Variants in IGDCC4 observed in about 807,000 individuals in gnomAD.
IGDCC4 encodes immunoglobulin superfamily DCC subclass member 4, also known as likely ortholog of mouse neighbor of Punc E11.
In IGDCC4, 72 loss-of-function variants were observed where a neutral mutation model predicts 116.6. The observed-to-expected ratio is 0.62, with a 90% CI of 0.51 to 0.75. The LOEUF (loss-of-function observed/expected upper bound fraction) is 0.75. Ranked by LOEUF, IGDCC4 falls within the 30% of genes least tolerant of loss-of-function variation. IGDCC4 has a pLI of 0.00. For missense variants in IGDCC4, 1,501 were observed against 1,662.4 expected (o/e 0.90, Z 1.69); for synonymous variants, 709 against 719.9 (o/e 0.98, Z 0.24).
intron 3 of IGDCC4, 117 bp from the exon 4 acceptor site, chr15:65,402,604 C>G (rs1595787281): frequency 3.0e-6 from 4 of 1,341,594 alleles, no homozygotes; most frequent in Non-Finnish European, 4.0e-6. Context: ...CGCAGTGGCT[C>G]ACGCCTATAA....
intron 1 of IGDCC4, 70 bp downstream of exon 1, chr15:65,422,723 G>T: frequency 1.7e-6 from 2 of 1,208,462 alleles, no homozygotes; most frequent in Non-Finnish European, 2.1e-6. Context: ...CCCGCAGCCC[G>T]ATGCAGACCA....
Position 65,392,524 on chromosome 15 carries a change from A to T in IGDCC4, c.1886-154T>A, listed in dbSNP as rs1365549601. 3.3e-5 allele frequency among the ~76,000 whole-genome samples: 5 copies of T among 152,090 alleles called. No homozygotes were observed. The East Asian group carries it at 5.8e-4, about 18-fold the overall frequency. On this transcript the variant is annotated intron_variant, in intron 10 of 19. Coordinates refer to ENST00000352385, the MANE Select transcript of IGDCC4 (RefSeq NM_020962.3). ...TTTGCCAGCATTCTCCCAACACATCACCACTCAGCCACCACTCTAAGTGCC... is the reference window on the plus strand; with the variant it reads ...TTTGCCAGCATTCTCCCAACACATCTCCACTCAGCCACCACTCTAAGTGCC...
chr15:65,395,986 A>G lies in IGDCC4; in HGVS notation c.1175T>C (p.Ile392Thr). 4 of 1,561,668 alleles carry G rather than the reference A, an allele frequency of 2.6e-6. No homozygotes were observed. The South Asian group carries it at 4.7e-5, about 18-fold the overall frequency. The change falls in exon 7 of 20, where the codon ATC becomes ACC. Residue 392 changes from isoleucine (I) to threonine (T), a missense_variant. By Grantham distance (89) the Ile-to-Thr change is moderately conservative. This residue lies in a region of IGDCC4 where 898 missense variants were observed against 978.9 expected (regional missense o/e 0.92). Coordinates refer to ENST00000352385, the MANE Select transcript of IGDCC4 (RefSeq NM_020962.3). ...GGCGTCCTGCAGGCCGATCTGTGTG[A>G]TGACCAGGCTGCCACCGCCGCCCTG... ...KVQGGGGSLV[I>T]TQIGLQDAGY... is the part of the protein sequence containing the mutation.
chr15:65,395,709 C>G (rs757273253), intron 7 of IGDCC4, 41 bp downstream of exon 7: 1 of 1,404,178 alleles, frequency 7.1e-7, no homozygotes, highest in Non-Finnish European at 9.3e-7. Flanking sequence ...CTGCGCCCCG[C>G]CCGGGCCTGC....
Position 65,402,336 on chromosome 15 carries a change from A to G in IGDCC4, c.700+15T>C, listed in dbSNP as rs778788667. On this transcript the variant is annotated intron_variant, in intron 4 of 19. Transcript: ENST00000352385. ...CAGAAACCCCCAGGTTTCCCCACCC[A>G]GCCAGCCCCCTTACCTCTGTGGGCC... 1 of 1,557,584 alleles carries G rather than the reference A, an allele frequency of 6.4e-7. No homozygotes were observed. The highest frequency in any genetic ancestry group is 8.7e-7 in the Non-Finnish European group (1 of 1,150,184).
Position 65,384,915 on chromosome 15 carries a change from C to G in IGDCC4, c.3342+39G>C. On this transcript the variant is annotated intron_variant, in intron 19 of 19. Transcript: ENST00000352385. The surrounding 1 kb of genome is among the most constrained non-coding windows in gnomAD (Gnocchi z 4.9). ...CTTCCTCTTCACAAGCACAGAGACC[C>G]TTTCCTCCTTTCCTGCCCCTTCCTT... is the stretch of plus-strand genomic sequence containing the variant. The G allele has an allele frequency of 1.3e-6, 2 of 1,573,808 alleles. No homozygotes were observed. The highest frequency in any genetic ancestry group is 1.1e-5 in the South Asian group (1 of 87,826).
In IGDCC4 at chr15:65,388,813, G is replaced by GT. The variant is rs1567080644; in HGVS notation, c.2701dup (p.Thr901AsnfsTer9). 6.2e-7 allele frequency: 1 copy of GT among 1,613,970 alleles called. No individual in the cohort carries two copies. Among genetic ancestry groups the GT allele is most frequent in the East Asian group, 2.2e-5 (1 of 44,874 alleles). On this transcript the variant is annotated frameshift_variant, in exon 15 of 20. Coordinates refer to ENST00000352385, the MANE Select transcript of IGDCC4 (RefSeq NM_020962.3). LOFTEE classifies it high-confidence loss of function. ...CCTGGGGCAGGAGCCCTCACCCTGC[G>GT]TGGTGAGCAAGGTCCACTGGTGCTC...
intron 3 of IGDCC4, among the ~76,000 whole-genome samples, chr15:65,404,253 C>T (rs1050598067): frequency 6.6e-6 from 1 of 152,206 alleles, no homozygotes; most frequent in African/African-American, 2.4e-5. Flanking sequence ...CTGCATCACA[C>T]AGGCAAACCC....
intron 1 of IGDCC4, among the ~76,000 whole-genome samples, chr15:65,413,025 TGTG>T (rs1213562209): frequency 4.2e-3 from 84 of 19,812 alleles, no homozygotes; most frequent in African/African-American, 9.0e-3. Flanking sequence ...TGTGAGAAAA[TGTG>T]TGTGTGTGTG....
At chr15:65,416,417 A>G (rs925717092) in intron 1 of IGDCC4, among the ~76,000 whole-genome samples, 3 of 152,232 alleles carry the variant, frequency 2.0e-5, no homozygotes, top group South Asian at 2.1e-4. Context: ...GATTACAGGC[A>G]TGAGCCACCG....
rs756291402 is a variant in IGDCC4, at chr15:65,393,464, G to C, written c.1782C>G (p.Asn594Lys). The C allele has an allele frequency of 6.2e-7, 1 of 1,613,514 alleles. No individual in the cohort carries two copies. The highest frequency in any genetic ancestry group is 1.3e-5 in the African/African-American group (1 of 75,012). The part of the protein sequence containing the change: ...TQLMLNSLQP[N>K]KVYRVRISAG... ...CCGAAATCCGTACTCGATACACCTTGTTTGGCTGAAGCGAGTTCAGCATAA... is the reference window on the plus strand; with the variant it reads ...CCGAAATCCGTACTCGATACACCTTCTTTGGCTGAAGCGAGTTCAGCATAA... The change falls in exon 10 of 20, where the codon AAC (asparagine) becomes AAG (lysine). Residue 594 changes from asparagine to lysine, a missense_variant. Asn to Lys is a moderately conservative substitution (Grantham distance 94, BLOSUM62 0). Coordinates refer to ENST00000352385, the MANE Select transcript of IGDCC4 (RefSeq NM_020962.3). The surrounding 1 kb of genome is among the most constrained non-coding windows in gnomAD (Gnocchi z 4.6).
At chr15:65,419,034 T>TA (rs893554115) in intron 1 of IGDCC4, among the ~76,000 whole-genome samples, 1 of 152,154 alleles carries the variant, frequency 6.6e-6, no homozygotes, top group Non-Finnish European at 1.5e-5. Flanking sequence ...AGGTTCATGC[T>TA]AAAATTGTTT....
intron 6 of IGDCC4, chr15:65,396,538 A>G: frequency 3.6e-6 from 2 of 558,242 alleles, no homozygotes; most frequent in South Asian, 4.0e-5. Flanking sequence ...TCTTAGTACC[A>G]CTCAGATCAC....
chr15:65,384,532 T>C lies in IGDCC4; in HGVS notation c.3343-113A>G. On this transcript the variant is annotated intron_variant, in intron 19 of 19. Coordinates refer to ENST00000352385, the MANE Select transcript of IGDCC4 (RefSeq NM_020962.3). This position sits in a 1 kb window ranked among gnomAD's most constrained non-coding sequence, Gnocchi z 4.9. ...ACCCTCCATCAGAGTAAGTATCACATGGGAGTCGGTGAAGGATACACAGGA... is the reference window on the plus strand; with the variant it reads ...ACCCTCCATCAGAGTAAGTATCACACGGGAGTCGGTGAAGGATACACAGGA... 1 of 1,049,412 alleles carries C rather than the reference T, an allele frequency of 9.5e-7. No homozygotes were observed. The highest frequency in any genetic ancestry group is 1.3e-6 in the Non-Finnish European group (1 of 741,762). The allele number at this position is 1,049,412 out of a possible 1,614,324, so 65.0% of individuals were successfully genotyped here.
rs755496276 is a variant in IGDCC4 at position 65,402,394 on chromosome 15, G to A, written c.657C>T (p.Arg219=). 17 of 1,571,572 alleles carry A rather than the reference G, an allele frequency of 1.1e-5. No individual in the cohort carries two copies. Among genetic ancestry groups the A allele is most frequent in the Non-Finnish European group, 1.5e-5 (17 of 1,157,548 alleles). The part of the protein sequence containing the change: ...PYRCVATNSA[R]QHFSQEALLS... The stretch of plus-strand genomic sequence containing the variant: ...GTAGGGCCTCCTGGCTGAAGTGCTG[G>A]CGAGCTGAGTTGGTGGCCACGCAGC... Residue 219 remains arginine (R), a synonymous_variant, in exon 4 of 20, where the codon CGC becomes CGT. Coordinates refer to ENST00000352385, the MANE Select transcript of IGDCC4 (RefSeq NM_020962.3).
intron 1 of IGDCC4, among the ~76,000 whole-genome samples, chr15:65,412,921 A>ATC (rs372790909): frequency 0.21 from 30,296 of 145,128 alleles, 3,841 homozygotes; most frequent in East Asian, 0.68. Flanking sequence ...ACATATATAG[A>ATC]TCTCTCTCTC....
intron 9 of IGDCC4, among the ~76,000 whole-genome samples, 185 bp downstream of exon 9, chr15:65,394,226 T>C (rs2062895928): frequency 6.7e-6 from 1 of 149,690 alleles, no homozygotes; most frequent in African/African-American, 2.4e-5. Context: ...TGCCTTAAGC[T>C]AGGCCCCTCT....
At chr15:65,391,859 T>G in intron 12 of IGDCC4, 21 bp downstream of exon 12, 1 of 1,607,926 alleles carries the variant, frequency 6.2e-7, no homozygotes. Context: ...CCTCCCCGCC[T>G]TCTTCCCCCA....
chr15:65,386,659 G>C lies in IGDCC4; in HGVS notation c.2846-3C>G, dbSNP rs925573624. 3.1e-6 allele frequency: 5 copies of C among 1,607,926 alleles called. No homozygotes were observed. The highest frequency in any genetic ancestry group is 4.2e-6 in the Non-Finnish European group (5 of 1,178,064). On this transcript the variant is annotated splice_region_variant and splice_polypyrimidine_tract_variant and intron_variant, in intron 16 of 19. Coordinates refer to ENST00000352385, the MANE Select transcript of IGDCC4 (RefSeq NM_020962.3). ...GACTGAGTGCATGTCCAGCGAGTCT[G>C]GTGGGGGAGAGAGAGGCACAGAGCA...
Sources: gnomAD v4.1 joint callset for allele counts (sites outside exome capture counted in the v4.1 genomes callset) on GRCh38, gnomAD v4.1.1 for gene constraint, gnomAD v4.1.1 regional missense constraint, Gnocchi (gnomAD v3.1) non-coding constraint, MANE v1.5 for transcripts, NCBI Gene and HGNC (gene_info 2026-07-23, HGNC 2026-07-21) for gene names.